Variants in NREP observed in about 807,000 individuals in gnomAD.
The protein encoded by NREP is neuronal regeneration-related protein.
A neutral mutation model predicts 8.6 loss-of-function variants in NREP; 5 were observed. The ratio of observed to expected loss-of-function variants is 0.58; its 90% CI spans 0.30 to 1.22. NREP has a LOEUF of 1.22. Among genes scored for constraint, NREP ranks in the 50% most tolerant of loss-of-function variants. The probability of loss-of-function intolerance (pLI) is 0.07; values close to 1 mark genes in which losing one functional copy is unlikely to be tolerated. For missense variants in NREP, 86 were observed against 82.5 expected, an observed-to-expected ratio of 1.04 and a Z score of -0.17; for synonymous variants, 27 against 28.0, an observed-to-expected ratio of 0.96 and a Z score of 0.11.
upstream of NREP, chr5:111,757,229 TGGGGGG>T: frequency 1.7e-5 from 3 of 180,870 alleles, no homozygotes; most frequent in Non-Finnish European, 1.4e-5. Context: ...AAAGACAGAT[TGGGGGG>T]GGAGGGGGGA....
intron 1 of NREP, chr5:111,976,657 T>C: frequency 1.4e-6 from 2 of 1,445,616 alleles, no homozygotes; most frequent in Non-Finnish European, 1.9e-6. Flanking sequence ...ATTGTTTTCT[T>C]CCTTTAAAAA....
intron 2 of NREP, among the ~76,000 whole-genome samples, chr5:111,941,945 T>A (rs1755840422): frequency 6.6e-6 from 1 of 152,056 alleles, no homozygotes; most frequent in Non-Finnish European, 1.5e-5. Context: ...TAGCCTGCAT[T>A]TTTAACACCG....
chr5:111,880,109 G>A (rs370846592), intron 2 of NREP, among the ~76,000 whole-genome samples: 13 of 152,142 alleles, frequency 8.5e-5, no homozygotes, highest in African/African-American at 2.9e-4. Context: ...GAGCCAGGGT[G>A]CATAGGTTTG....
At chr5:111,844,974 T>A (rs898607372) in intron 2 of NREP, among the ~76,000 whole-genome samples, 2 of 152,060 alleles carry the variant, frequency 1.3e-5, no homozygotes, top group African/African-American at 4.8e-5. Context: ...CCTGGGTTCA[T>A]GTGGGCTGGC....
chr5:111,855,044 T>G (rs552190294), intron 2 of NREP, among the ~76,000 whole-genome samples: 1 of 152,282 alleles, frequency 6.6e-6, no homozygotes, highest in African/African-American at 2.4e-5. Context: ...AATCAATGCC[T>G]CATGGTGAAT....
chr5:111,758,483 CA>C (rs999853639), upstream of NREP, among the ~76,000 whole-genome samples: 1 of 152,114 alleles, frequency 6.6e-6, no homozygotes, highest in African/African-American at 2.4e-5. Context: ...AATTTTGCAA[CA>C]AACTCAAATA....
chr5:111,839,324 A>G (rs78036321), intron 2 of NREP, among the ~76,000 whole-genome samples: 2,960 of 152,242 alleles, frequency 0.019, 47 homozygotes, highest in Non-Finnish European at 0.027. Context: ...AAGGGCAATG[A>G]CCAGAGTCAT....
intron 2 of NREP, among the ~76,000 whole-genome samples, chr5:111,878,392 G>T (rs748758746): frequency 1.3e-5 from 2 of 152,068 alleles, no homozygotes; most frequent in African/African-American, 2.4e-5. Context: ...AGAGCAACAG[G>T]GTGAAGGAGG....
At chr5:111,791,390 C>T (rs1302602999) in intron 2 of NREP, among the ~76,000 whole-genome samples, 1 of 152,162 alleles carries the variant, frequency 6.6e-6, no homozygotes, top group African/African-American at 2.4e-5. Context: ...CCCCAGTAAC[C>T]ATCAATCAAC....
chr5:111,847,651 C>T (rs1043999737), intron 2 of NREP, among the ~76,000 whole-genome samples: 6 of 152,118 alleles, frequency 3.9e-5, no homozygotes, highest in Non-Finnish European at 7.4e-5. Context: ...TCTGGTCAGC[C>T]TGTGTCTATC....
intron 2 of NREP, among the ~76,000 whole-genome samples, chr5:111,799,439 A>G (rs147464348): frequency 6.6e-6 from 1 of 152,370 alleles, no homozygotes; most frequent in Non-Finnish European, 1.5e-5. Context: ...TGACATTATC[A>G]TTGTTAAATC....
At chr5:111,819,433 G>A (rs572045930) in intron 2 of NREP, among the ~76,000 whole-genome samples, 24 of 152,226 alleles carry the variant, frequency 1.6e-4, no homozygotes, top group Non-Finnish European at 1.8e-4. Flanking sequence ...GTGTGTTCCC[G>A]CCATTACTCC....
At chr5:111,787,649 C>T (rs1420119998) in intron 2 of NREP, among the ~76,000 whole-genome samples, 2 of 151,592 alleles carry the variant, frequency 1.3e-5, no homozygotes, top group Admixed American at 6.6e-5. Context: ...GTAGTTAAAG[C>T]CGTAATTTCC....
chr5:111,816,719 GA>G (rs923584005), intron 2 of NREP, among the ~76,000 whole-genome samples: 138 of 141,406 alleles, frequency 9.8e-4, no homozygotes, highest in Middle Eastern at 0.011. Context: ...AAGAAGAAAA[GA>G]AAAAAAAAAC....
At chr5:111,897,446 C>A (rs1754537934) in intron 2 of NREP, among the ~76,000 whole-genome samples, 1 of 152,162 alleles carries the variant, frequency 6.6e-6, no homozygotes, top group Non-Finnish European at 1.5e-5. Context: ...TGGTTCTCAA[C>A]CCAGGCATAT....
At chr5:111,755,484 G>A in intron 2 of NREP, 1 of 414,464 alleles carries the variant, frequency 2.4e-6, no homozygotes, top group Non-Finnish European at 4.5e-6. Context: ...TCTTCTTAAA[G>A]AACCGAATAG....
chr5:111,800,179 C>T lies in NREP; in HGVS notation c.136-64672G>A, dbSNP rs564595690. Among the ~76,000 whole-genome samples the T allele has an allele frequency of 1.3e-4, 20 of 152,080 alleles. No individual in the cohort carries two copies. The South Asian group carries it at 2.3e-3, about 17-fold the overall frequency. ...TCCTGCCCTTGTGATTCGCCCGCCT[C>T]GGCCTCCCAAAGTGTTGGGATTACA... On this transcript the variant is annotated intron_variant, in intron 2 of 3. Transcript: ENST00000395634.
chr5:111,894,773 C>T (rs188250582), intron 2 of NREP, among the ~76,000 whole-genome samples: 1 of 152,308 alleles, frequency 6.6e-6, no homozygotes. Context: ...GGATGTGATC[C>T]TTAAGATCAT....
At chr5:111,871,053 C>CGTGT (rs34667486) in intron 2 of NREP, among the ~76,000 whole-genome samples, 53,104 of 142,334 alleles carry the variant, frequency 0.37, 11,277 homozygotes, top group Non-Finnish European at 0.49. Flanking sequence ...GAACCAATGG[C>CGTGT]GTGTGTGTGT....
Sources: gnomAD v4.1 joint callset for allele counts (sites outside exome capture counted in the v4.1 genomes callset) on GRCh38, gnomAD v4.1.1 for gene constraint, MANE v1.5 for transcripts, NCBI Gene and HGNC (gene_info 2026-07-23, HGNC 2026-07-21) for gene names.